PLS1: variants seen among roughly 807,000 people sequenced by gnomAD.
PLS1 encodes plastin 1, also known as plastin-1.
PLS1 carries 32 observed loss-of-function variants against 73.7 expected under a neutral mutation model. The ratio of observed to expected loss-of-function variants is 0.43; its 90% CI spans 0.33 to 0.58. PLS1 has a LOEUF of 0.58. Ranked by LOEUF, PLS1 falls within the 20% of genes least tolerant of loss-of-function variation. The pLI is 0.04. For synonymous variants in PLS1, 217 were observed against 261.3 expected, an observed-to-expected ratio of 0.83 and a Z score of 1.63; for missense variants, 633 against 740.5, an observed-to-expected ratio of 0.85 and a Z score of 1.68.
Position 142,669,436 on chromosome 3 carries a change from G to T in PLS1, c.117G>T (p.Leu39=), listed in dbSNP as rs752255924. 6 of 1,608,622 alleles carry T rather than the reference G, an allele frequency of 3.7e-6. No homozygotes were observed. The highest frequency in any genetic ancestry group is 5.1e-6 in the Non-Finnish European group (6 of 1,175,144). ...GYVSDYELQD[L]FKEASLPLPG... The stretch of plus-strand genomic sequence containing the variant: ...TCAGTGACTATGAACTTCAAGACCT[G>T]TTTAAGGAAGCAAGCCTTCCTCTGC... Residue 39 remains leucine, a synonymous_variant, in exon 3 of 16, where the codon CTG becomes CTT. Transcript: ENST00000457734.
At chr3:142,620,889 G>A (rs1036190722) in intron 1 of PLS1, among the ~76,000 whole-genome samples, 3 of 152,036 alleles carry the variant, frequency 2.0e-5, no homozygotes, top group South Asian at 2.1e-4. Flanking sequence ...GCGGTGGCAG[G>A]TGCCTGTAAT....
chr3:142,665,866 C>T (rs1202248388), intron 2 of PLS1, among the ~76,000 whole-genome samples: 1 of 151,710 alleles, frequency 6.6e-6, no homozygotes, highest in Non-Finnish European at 1.5e-5. Context: ...AGTGAGGGAG[C>T]TGCTCTGCTA....
chr3:142,627,042 C>T (rs902260572), intron 1 of PLS1, among the ~76,000 whole-genome samples: 2 of 152,210 alleles, frequency 1.3e-5, no homozygotes, highest in Admixed American at 6.5e-5. Flanking sequence ...AAAATATACA[C>T]ATTAAATATT....
At chr3:142,701,334 T>A (rs1161967463) in intron 12 of PLS1, among the ~76,000 whole-genome samples, 3 of 152,208 alleles carry the variant, frequency 2.0e-5, no homozygotes, top group African/African-American at 7.2e-5. Flanking sequence ...ACCAGACATA[T>A]TTCAGATATT....
In PLS1 at chr3:142,692,205, T is replaced by G. The variant is rs755114585; in HGVS notation, c.1178-2264T>G. Reference sequence around the variant, plus strand: ...AATATATGTTAACTCCTCTTTTCCCTCTTAGTAACCTACTTCTAAGATATT... The same window carrying G: ...AATATATGTTAACTCCTCTTTTCCCGCTTAGTAACCTACTTCTAAGATATT... On this transcript the variant is annotated intron_variant, in intron 10 of 15. Transcript: ENST00000457734. Among the ~76,000 whole-genome samples, 68 of 152,168 alleles carry G rather than the reference T, an allele frequency of 4.5e-4. 1 individual carries two copies. The highest frequency in any genetic ancestry group is 2.2e-3 in the Admixed American group (33 of 15,266).
At chr3:142,627,614 A>G (rs2036456973) in intron 1 of PLS1, among the ~76,000 whole-genome samples, 1 of 151,834 alleles carries the variant, frequency 6.6e-6, no homozygotes, top group Non-Finnish European at 1.5e-5. Context: ...TTTGCTTTTT[A>G]TGAGGCACAG....
At chr3:142,608,965 T>A (rs879461501) in intron 1 of PLS1, among the ~76,000 whole-genome samples, 18 of 152,310 alleles carry the variant, frequency 1.2e-4, no homozygotes, top group Admixed American at 3.3e-4. Context: ...ACTTCTCAAG[T>A]TTTTTCAATA....
intron 1 of PLS1, among the ~76,000 whole-genome samples, chr3:142,642,927 G>T (rs1457733451): frequency 6.6e-6 from 1 of 152,072 alleles, no homozygotes; most frequent in East Asian, 1.9e-4. Flanking sequence ...CTGGGCTCAG[G>T]TGATCTGCCT....
At chr3:142,702,751 C>A (rs2038356844) in intron 12 of PLS1, among the ~76,000 whole-genome samples, 1 of 152,062 alleles carries the variant, frequency 6.6e-6, no homozygotes, top group Non-Finnish European at 1.5e-5. Context: ...GAGAAAGGAC[C>A]TAACTGGACT....
intron 8 of PLS1, among the ~76,000 whole-genome samples, chr3:142,684,801 C>G (rs902497743): frequency 6.6e-6 from 1 of 152,196 alleles, no homozygotes; most frequent in Non-Finnish European, 1.5e-5. Flanking sequence ...ATCAGATTAT[C>G]TGAGGGTACA....
intron 1 of PLS1, among the ~76,000 whole-genome samples, chr3:142,611,523 G>A (rs944173401): frequency 1.3e-5 from 2 of 152,204 alleles, no homozygotes; most frequent in Non-Finnish European, 2.9e-5. Flanking sequence ...TCAGGAGGCT[G>A]AGACAGGAAG....
chr3:142,693,452 A>G (rs1012212174), intron 10 of PLS1, among the ~76,000 whole-genome samples: 18 of 152,214 alleles, frequency 1.2e-4, no homozygotes, highest in African/African-American at 4.1e-4. Context: ...ATGGGCCAAA[A>G]TCTAGAGAGT....
At chr3:142,615,030 G>A (rs1038032036) in intron 1 of PLS1, among the ~76,000 whole-genome samples, 6 of 152,066 alleles carry the variant, frequency 3.9e-5, no homozygotes, top group Admixed American at 6.5e-5. Flanking sequence ...TCTGGGTAGG[G>A]TGGGCAGAAC....
intron 9 of PLS1, among the ~76,000 whole-genome samples, chr3:142,687,758 C>T (rs76861056): frequency 0.039 from 5,872 of 151,990 alleles, 387 homozygotes; most frequent in African/African-American, 0.13. Context: ...ATATATATTT[C>T]TAAAAGACAA....
At chr3:142,637,327 C>T (rs1202485364) in intron 1 of PLS1, among the ~76,000 whole-genome samples, 1 of 152,064 alleles carries the variant, frequency 6.6e-6, no homozygotes, top group Non-Finnish European at 1.5e-5. Context: ...CTCAAAAATG[C>T]AAACTAATCT....
chr3:142,671,276 C>A (rs1003877953), intron 4 of PLS1, among the ~76,000 whole-genome samples, 154 bp downstream of exon 4: 1 of 152,104 alleles, frequency 6.6e-6, no homozygotes, highest in Non-Finnish European at 1.5e-5. Context: ...GTATAACATG[C>A]CATTGAATTT....
intron 1 of PLS1, among the ~76,000 whole-genome samples, chr3:142,637,625 T>G (rs2108603236): frequency 6.6e-6 from 1 of 152,312 alleles, no homozygotes; most frequent in South Asian, 2.1e-4. Flanking sequence ...CAATGTAATA[T>G]TCAAAGGTGG....
chr3:142,610,255 C>T (rs2036094830), intron 1 of PLS1, among the ~76,000 whole-genome samples: 2 of 152,180 alleles, frequency 1.3e-5, no homozygotes, highest in South Asian at 2.1e-4. Flanking sequence ...GTTCCATCAA[C>T]TTGCCTTGTT....
chr3:142,619,054 A>C (rs1179207403), intron 1 of PLS1, among the ~76,000 whole-genome samples: 4 of 152,198 alleles, frequency 2.6e-5, no homozygotes, highest in South Asian at 2.1e-4. Context: ...CCAAGCATTC[A>C]TGTTGATGTA....
Sources: gnomAD v4.1 joint callset for allele counts (sites outside exome capture counted in the v4.1 genomes callset) on GRCh38, gnomAD v4.1.1 for gene constraint, MANE v1.5 for transcripts, NCBI Gene and HGNC (gene_info 2026-07-23, HGNC 2026-07-21) for gene names.